Variants in CRPPA observed in about 807,000 individuals in gnomAD.
CRPPA encodes the protein CDP-L-ribitol pyrophosphorylase A, also known as D-ribitol-5-phosphate cytidylyltransferase.
A neutral mutation model predicts 52.0 loss-of-function variants in CRPPA; 43 were observed. The observed-to-expected ratio is 0.83, with a 90% CI of 0.65 to 1.07. CRPPA has a LOEUF of 1.07. CRPPA is among the 50% of genes least tolerant of loss of function. CRPPA has a pLI of 0.00. For missense variants in CRPPA, 629 were observed against 551.7 expected (o/e 1.14, Z -1.40); for synonymous variants, 250 against 203.5 (o/e 1.23, Z -1.94).
At chr7:16,376,909 T>C (rs940250705) in intron 2 of CRPPA, among the ~76,000 whole-genome samples, 6 of 152,184 alleles carry the variant, frequency 3.9e-5, no homozygotes, top group African/African-American at 9.7e-5. Context: ...TGGAGTCCCA[T>C]TGTAAGACAG....
chr7:16,334,196 C>G (rs1583527493), intron 3 of CRPPA, among the ~76,000 whole-genome samples: 1 of 152,270 alleles, frequency 6.6e-6, no homozygotes, highest in African/African-American at 2.4e-5. Flanking sequence ...ATCTGAAATC[C>G]TTAGGCAGCT....
intron 3 of CRPPA, among the ~76,000 whole-genome samples, chr7:16,365,828 T>C (rs1259983287): frequency 2.0e-5 from 3 of 152,170 alleles, no homozygotes; most frequent in Admixed American, 6.5e-5. Context: ...TTCAAATATA[T>C]TTGTAATGTG....
At chr7:16,377,727 T>C (rs538966143) in intron 2 of CRPPA, among the ~76,000 whole-genome samples, 121 of 152,304 alleles carry the variant, frequency 7.9e-4, no homozygotes, top group African/African-American at 2.9e-3. Context: ...TAATGGATGC[T>C]CTACTCAGAG....
chr7:16,410,212 T>C (rs781743475), intron 1 of CRPPA, among the ~76,000 whole-genome samples: 25 of 152,224 alleles, frequency 1.6e-4, no homozygotes, highest in Non-Finnish European at 3.1e-4. Flanking sequence ...CTTGGGAGGA[T>C]GTTTATCACA....
chr7:16,329,600 A>G (rs560949822), intron 3 of CRPPA, among the ~76,000 whole-genome samples: 1 of 152,316 alleles, frequency 6.6e-6, no homozygotes, highest in South Asian at 2.1e-4. Context: ...ATATGTGAAA[A>G]ACAGACTCCT....
intron 6 of CRPPA, chr7:16,269,212 G>T (rs575468871): frequency 4.6e-5 from 7 of 151,940 alleles, no homozygotes; most frequent in Non-Finnish European, 8.8e-5. Flanking sequence ...GATAAGAGAC[G>T]GTGAAAGACA....
At chr7:16,263,774 T>G (rs545903183) in intron 6 of CRPPA, among the ~76,000 whole-genome samples, 88 of 151,896 alleles carry the variant, frequency 5.8e-4, no homozygotes, top group African/African-American at 2.1e-3. Flanking sequence ...AAAAAGAATG[T>G]ACAATATAGA....
chr7:16,391,374 C>A (rs545321916), intron 2 of CRPPA, among the ~76,000 whole-genome samples: 1 of 152,238 alleles, frequency 6.6e-6, no homozygotes, highest in African/African-American at 2.4e-5. Flanking sequence ...CTCTGCTATC[C>A]AAGTCCAAGC....
chr7:16,421,294 C>T lies in CRPPA; in HGVS notation c.29G>A (p.Arg10Lys). 1 of 1,268,950 alleles carries T rather than the reference C, an allele frequency of 7.9e-7. No individual in the cohort carries two copies. The highest frequency in any genetic ancestry group is 1.6e-5 in the African/African-American group (1 of 64,344). The allele number at this position is 1,268,950 out of a possible 1,614,324, so 78.6% of individuals were successfully genotyped here. The change falls in exon 1 of 10, where the codon AGG becomes AAG. Residue 10 changes from arginine (R) to lysine (K), a missense_variant. By Grantham distance (26) the Arg-to-Lys change is conservative. Coordinates refer to ENST00000407010, the MANE Select transcript of CRPPA (RefSeq NM_001101426.4). MEAGPPGSA[R>K]PAEPGPCLSG... ...CAGGCAAGGACCCGGCTCCGCCGGC[C>T]TGGCGCTGCCCGGCGGCCCGGCCTC...
chr7:16,158,165 T>A (rs1466492463), intron 9 of CRPPA, among the ~76,000 whole-genome samples: 1 of 151,974 alleles, frequency 6.6e-6, no homozygotes, highest in Non-Finnish European at 1.5e-5. Context: ...ATTACAGGCG[T>A]GAGCCACCGT....
chr7:16,395,863 C>G (rs140202213), intron 2 of CRPPA, among the ~76,000 whole-genome samples: 2 of 152,160 alleles, frequency 1.3e-5, no homozygotes, highest in Non-Finnish European at 2.9e-5. Context: ...ATTCATAGAA[C>G]GGAAACATAG....
intron 3 of CRPPA, among the ~76,000 whole-genome samples, chr7:16,366,546 A>G (rs1027470269): frequency 2.0e-5 from 3 of 152,184 alleles, no homozygotes; most frequent in African/African-American, 7.2e-5. Context: ...ATCACTTCTA[A>G]ACTGCCATAC....
At chr7:16,412,111 G>C (rs189586654) in intron 1 of CRPPA, among the ~76,000 whole-genome samples, 39 of 152,224 alleles carry the variant, frequency 2.6e-4, no homozygotes, top group Middle Eastern at 3.4e-3. Context: ...AAAACAGCCA[G>C]AGTAGATGTA....
chr7:16,253,806 C>A (rs1783530116), intron 8 of CRPPA, among the ~76,000 whole-genome samples: 1 of 152,130 alleles, frequency 6.6e-6, no homozygotes, highest in African/African-American at 2.4e-5. Context: ...AGGCAACCTA[C>A]AGAACGGGAG....
chr7:16,223,146 G>T (rs1181738455), intron 8 of CRPPA, among the ~76,000 whole-genome samples: 4 of 152,082 alleles, frequency 2.6e-5, no homozygotes, highest in Admixed American at 6.6e-5. Flanking sequence ...AGAAAAGTTA[G>T]CCAGGCATGG....
intron 9 of CRPPA, among the ~76,000 whole-genome samples, chr7:16,099,292 A>G (rs1245335189): frequency 6.6e-6 from 1 of 150,622 alleles, no homozygotes; most frequent in South Asian, 2.1e-4. Context: ...AAAAAAAAGG[A>G]AAGAAAAAAA....
intron 9 of CRPPA, among the ~76,000 whole-genome samples, chr7:16,118,628 A>G (rs1006755052): frequency 2.0e-5 from 3 of 152,154 alleles, no homozygotes; most frequent in Admixed American, 6.6e-5. Flanking sequence ...AAGAACTAGG[A>G]CTGCCTGGGA....
intron 9 of CRPPA, among the ~76,000 whole-genome samples, chr7:16,151,950 C>G (rs1001510796): frequency 6.6e-6 from 1 of 151,878 alleles, no homozygotes; most frequent in East Asian, 1.9e-4. Context: ...AAAATTCACT[C>G]CAAAATTTCA....
intron 1 of CRPPA, among the ~76,000 whole-genome samples, chr7:16,414,261 G>A (rs548813301): frequency 1.5e-4 from 23 of 151,790 alleles, no homozygotes; most frequent in African/African-American, 4.6e-4. Context: ...AATAAGCATG[G>A]CCGAAGTTTG....
Sources: gnomAD v4.1 joint callset for allele counts (sites outside exome capture counted in the v4.1 genomes callset) on GRCh38, gnomAD v4.1.1 for gene constraint, MANE v1.5 for transcripts, NCBI Gene and HGNC (gene_info 2026-07-23, HGNC 2026-07-21) for gene names.